The following STK10 variants were observed in gnomAD, a reference collection of about 807,000 sequenced individuals.
STK10 encodes the protein serine/threonine-protein kinase 10.
A neutral mutation model predicts 113.8 loss-of-function variants in STK10; 78 were observed. That is an observed-to-expected ratio of 0.69 (90% CI 0.57 to 0.83). The LOEUF (loss-of-function observed/expected upper bound fraction) is 0.83. Among genes scored for constraint, STK10 ranks in the 40% least tolerant of loss-of-function variants. The pLI, the probability that STK10 is intolerant of heterozygous loss-of-function variation, is 0.00. For synonymous variants in STK10, 465 were observed against 494.7 expected, an observed-to-expected ratio of 0.94 and a Z score of 0.80; for missense variants, 1,109 against 1,280.1, an observed-to-expected ratio of 0.87 and a Z score of 2.04.
Position 172,093,375 on chromosome 5 carries a change from T to C in STK10, c.1554+37A>G. 33 of 1,547,186 alleles carry C rather than the reference T, an allele frequency of 2.1e-5. No homozygotes were observed. The highest frequency in any genetic ancestry group is 2.8e-5 in the Non-Finnish European group (32 of 1,143,324). On this transcript the variant is annotated intron_variant, in intron 9 of 18. Coordinates refer to ENST00000176763, the MANE Select transcript of STK10 (RefSeq NM_005990.4). This position sits in a 1 kb window ranked among gnomAD's most constrained non-coding sequence, Gnocchi z 4.1. ...GGAGCCACAGAACATCCTGCAATGG[T>C]CTTGCTGCAAGCCCGTGGTGGCAGA...
At chr5:172,173,295 G>C (rs1770694501) in intron 1 of STK10, among the ~76,000 whole-genome samples, 2 of 152,228 alleles carry the variant, frequency 1.3e-5, no homozygotes, top group Non-Finnish European at 2.9e-5. Context: ...AGCAAGGGTA[G>C]AAAGAATCTC....
At chr5:172,074,945 C>T (rs1768275532) in intron 12 of STK10, among the ~76,000 whole-genome samples, 1 of 151,652 alleles carries the variant, frequency 6.6e-6, no homozygotes, top group South Asian at 2.1e-4. Context: ...CTCGAACCCA[C>T]GAGCTGCAGG....
At chr5:172,058,533 G>GAGGTCCACAGGCACCTT (rs1222752215) in intron 14 of STK10, among the ~76,000 whole-genome samples, 4 of 152,152 alleles carry the variant, frequency 2.6e-5, no homozygotes, top group Non-Finnish European at 4.4e-5. Flanking sequence ...CAGCAGGCTT[G>GAGGTCCACAGGCACCTT]GACCGTCAAA....
At chr5:172,186,844 C>T (rs929506814) in intron 1 of STK10, among the ~76,000 whole-genome samples, 3 of 151,960 alleles carry the variant, frequency 2.0e-5, no homozygotes, top group African/African-American at 4.8e-5. Context: ...AGGCGATAGA[C>T]CACTTCCAAG....
chr5:172,095,147 G>A (rs1395587731), intron 8 of STK10, among the ~76,000 whole-genome samples: 1 of 152,188 alleles, frequency 6.6e-6, no homozygotes, highest in African/African-American at 2.4e-5. Context: ...GGTATGAATG[G>A]ATTTATACTA....
chr5:172,104,284 A>G (rs1292163366), intron 7 of STK10, among the ~76,000 whole-genome samples: 1 of 152,208 alleles, frequency 6.6e-6, no homozygotes, highest in Non-Finnish European at 1.5e-5. Context: ...ACATGGGGAC[A>G]CTGGTCGGCA....
chr5:172,146,535 T>G (rs1251453595), intron 2 of STK10, among the ~76,000 whole-genome samples: 3 of 152,164 alleles, frequency 2.0e-5, no homozygotes, highest in African/African-American at 7.2e-5. Flanking sequence ...CATCTGCTCC[T>G]ATCTCATACA....
chr5:172,067,049 C>A (rs778594556), intron 12 of STK10, among the ~76,000 whole-genome samples: 10 of 152,120 alleles, frequency 6.6e-5, no homozygotes, highest in Non-Finnish European at 1.3e-4. Context: ...GTCTACAGAA[C>A]ATAACACTGA....
chr5:172,088,881 T>TG (rs1399203240), intron 10 of STK10, among the ~76,000 whole-genome samples: 2 of 152,200 alleles, frequency 1.3e-5, no homozygotes, highest in African/African-American at 2.4e-5. Context: ...GGGCTGTAAG[T>TG]GGGGGATGAA....
chr5:172,116,459 C>T (rs1046595693), intron 4 of STK10, among the ~76,000 whole-genome samples: 1 of 152,086 alleles, frequency 6.6e-6, no homozygotes, highest in South Asian at 2.1e-4. Flanking sequence ...GAGCTCAAAG[C>T]GCTTGTCTCT....
At chr5:172,121,872 CT>C (rs35742153) in intron 3 of STK10, among the ~76,000 whole-genome samples, 103,523 of 142,214 alleles carry the variant, frequency 0.73, 38,350 homozygotes, top group East Asian at 0.95. Flanking sequence ...AGCTAATATA[CT>C]TTTTTTTTTT....
chr5:172,162,079 G>A (rs1287234385), intron 1 of STK10, among the ~76,000 whole-genome samples: 1 of 152,154 alleles, frequency 6.6e-6, no homozygotes, highest in Non-Finnish European at 1.5e-5. Context: ...AGTGGCTCAC[G>A]ATTGTAATCC....
Position 172,093,398 on chromosome 5 carries a change from A to T in STK10, c.1554+14T>A, listed in dbSNP as rs778824994. The stretch of plus-strand genomic sequence containing the variant: ...GGTCTTGCTGCAAGCCCGTGGTGGC[A>T]GAGGCGGTGTTACCTTGATGGACAG... On this transcript the variant is annotated intron_variant, in intron 9 of 18. Coordinates refer to ENST00000176763, the MANE Select transcript of STK10 (RefSeq NM_005990.4). The surrounding 1 kb of genome is among the most constrained non-coding windows in gnomAD (Gnocchi z 4.1). 2 of 1,571,898 alleles carry T rather than the reference A, an allele frequency of 1.3e-6. No individual in the cohort carries two copies. Among genetic ancestry groups the T allele is most frequent in the South Asian group, 2.3e-5 (2 of 87,680 alleles).
chr5:172,091,425 T>C (rs574145124), intron 9 of STK10, among the ~76,000 whole-genome samples: 3 of 152,256 alleles, frequency 2.0e-5, no homozygotes, highest in African/African-American at 7.2e-5. Flanking sequence ...TTGTGTGTCA[T>C]AATACGTGGT....
chr5:172,053,079 G>C, intron 17 of STK10, 37 bp from the exon 18 acceptor site: 1 of 1,574,984 alleles, frequency 6.3e-7, no homozygotes, highest in Non-Finnish European at 8.7e-7. Flanking sequence ...TGAGAAATCA[G>C]AAGACGCAGG....
chr5:172,115,031 T>A (rs1333765307), intron 4 of STK10: 1 of 152,234 alleles, frequency 6.6e-6, no homozygotes, highest in Non-Finnish European at 1.5e-5. Flanking sequence ...TCTCACAGGC[T>A]GGGCAGGGTA....
intron 7 of STK10, among the ~76,000 whole-genome samples, chr5:172,099,704 C>G (rs1768939302): frequency 6.6e-6 from 1 of 152,098 alleles, no homozygotes; most frequent in Non-Finnish European, 1.5e-5. Flanking sequence ...CCAAAGGTTC[C>G]TAAGCTCCAC....
At chr5:172,136,325 A>G (rs1769858198) in intron 2 of STK10, among the ~76,000 whole-genome samples, 1 of 152,066 alleles carries the variant, frequency 6.6e-6, no homozygotes, top group Admixed American at 6.5e-5. Flanking sequence ...GGCTGGGCGC[A>G]GTGGCTCACG....
At position 172,182,075 on chromosome 5, in the gene STK10, C is replaced by T. The variant is rs373753217; in HGVS notation, c.156+5812G>A. On this transcript the variant is annotated intron_variant, in intron 1 of 18. Transcript: ENST00000176763. ...ATCCCAGCACTTTGGGAGGCTGAGG[C>T]GGGCGGATCACAAGGTCAGGAGTTC... 5.9e-5 allele frequency among the ~76,000 whole-genome samples: 9 copies of T among 151,888 alleles called. No individual in the cohort carries two copies. The East Asian group carries it at 7.8e-4, about 13-fold the overall frequency.
Sources: allele counts gnomAD v4.1 joint callset (sites outside exome capture counted in the v4.1 genomes callset), GRCh38; gene constraint gnomAD v4.1.1; non-coding constraint Gnocchi (gnomAD v3.1); transcripts MANE v1.5; gene names NCBI Gene and HGNC (gene_info 2026-07-23, HGNC 2026-07-21).